The following SYCP2L variants were observed in gnomAD, a reference collection of about 807,000 sequenced individuals.
SYCP2L encodes synaptonemal complex protein 2 like.
Under a neutral mutation model 125.8 loss-of-function variants are expected in SYCP2L, and 98 were observed. The observed-to-expected ratio is 0.78, with a 90% confidence interval of 0.66 to 0.92. The LOEUF (loss-of-function observed/expected upper bound fraction) is 0.92, where lower values mean the gene tolerates loss of function less well. Ranked by LOEUF, SYCP2L falls within the 40% of genes least tolerant of loss-of-function variation. The probability of loss-of-function intolerance (pLI) is 0.00; values close to 1 mark genes in which losing one functional copy is unlikely to be tolerated. For missense variants in SYCP2L, 842 were observed against 936.4 expected (o/e 0.90, Z 1.32); for synonymous variants, 317 against 325.4 (o/e 0.97, Z 0.28).
chr6:10,927,683 G>T (rs542371677), intron 17 of SYCP2L, among the ~76,000 whole-genome samples: 1 of 151,930 alleles, frequency 6.6e-6, no homozygotes. Context: ...ATGAAGTTTC[G>T]GGCACCATTG....
intron 27 of SYCP2L, 37 bp downstream of exon 27, chr6:10,961,441 G>A (rs779763489): frequency 2.5e-6 from 4 of 1,613,426 alleles, no homozygotes; most frequent in Non-Finnish European, 3.4e-6. Flanking sequence ...TCTGACTTCG[G>A]ATCTTTCCCA....
intron 2 of SYCP2L, among the ~76,000 whole-genome samples, chr6:10,893,614 C>T (rs978039315): frequency 6.6e-6 from 1 of 152,122 alleles, no homozygotes; most frequent in Non-Finnish European, 1.5e-5. Context: ...AGTGTGAGTG[C>T]TAAGAAGTCC....
chr6:10,946,595 G>A lies in SYCP2L; in HGVS notation c.1954+3849G>A, dbSNP rs544955014. 8.7e-4 allele frequency among the ~76,000 whole-genome samples: 132 copies of A among 152,136 alleles called. 1 individual carries two copies. Among genetic ancestry groups the A allele is most frequent in the African/African-American group, 3.0e-3 (123 of 41,534 alleles). Reference sequence around the variant, plus strand: ...TTATTCTTGAATTAAATTTTACTGGGTGAAGAATACCATATTGGCAGAATT... The same window carrying A: ...TTATTCTTGAATTAAATTTTACTGGATGAAGAATACCATATTGGCAGAATT... On this transcript the variant is annotated intron_variant, in intron 23 of 29. Coordinates refer to ENST00000283141, the MANE Select transcript of SYCP2L (RefSeq NM_001040274.3).
chr6:10,940,730 A>G (rs1245427639), intron 21 of SYCP2L, among the ~76,000 whole-genome samples: 1 of 152,196 alleles, frequency 6.6e-6, no homozygotes, highest in Non-Finnish European at 1.5e-5. Flanking sequence ...CAGGCATAAC[A>G]TGAACAAGTT....
intron 20 of SYCP2L, among the ~76,000 whole-genome samples, chr6:10,934,573 A>G (rs1221276540): frequency 6.6e-6 from 1 of 152,212 alleles, no homozygotes; most frequent in Non-Finnish European, 1.5e-5. Flanking sequence ...CCAGCTACTC[A>G]TGAGGCTGAG....
intron 29 of SYCP2L, among the ~76,000 whole-genome samples, chr6:10,972,880 A>T (rs1017643647): frequency 2.0e-5 from 3 of 152,126 alleles, no homozygotes; most frequent in Admixed American, 6.6e-5. Flanking sequence ...GCCCAAGCTG[A>T]TAGATTTTGT....
chr6:10,910,701 A>G (rs1373776106), intron 11 of SYCP2L, 123 bp from the exon 12 acceptor site: 4 of 1,026,184 alleles, frequency 3.9e-6, no homozygotes, highest in African/African-American at 3.1e-5. Flanking sequence ...GAAACCCCCT[A>G]TTGTACTCTG....
chr6:10,902,542 A>G (rs2113301209), intron 6 of SYCP2L, 135 bp from the exon 7 acceptor site: 1 of 680,324 alleles, frequency 1.5e-6, no homozygotes, highest in Non-Finnish European at 2.5e-6. Flanking sequence ...GGATTGTAAG[A>G]GGCACAGCCT....
rs1581823326 is a variant in SYCP2L, at chr6:10,912,815, T to A, written c.1011+50T>A. On this transcript the variant is annotated intron_variant, in intron 13 of 29. Coordinates refer to ENST00000283141, the MANE Select transcript of SYCP2L (RefSeq NM_001040274.3). The surrounding 1 kb of genome is among the most constrained non-coding windows in gnomAD (Gnocchi z 4.1). ...GAACTAAGCCTTTAGAGATCTTTTT[T>A]ATGTAAGTATGTGTTTTGCACTCAT... The A allele has an allele frequency of 1.9e-6, 3 of 1,608,748 alleles. No homozygotes were observed. Among genetic ancestry groups the A allele is most frequent in the Non-Finnish European group, 2.6e-6 (3 of 1,175,616 alleles).
rs113058324 is a variant in SYCP2L at position 10,897,287 on chromosome 6, A to G, written c.337-724A>G. ...AGATACCTAGGCCTGAGGCATATTT[A>G]CTATAATCAAGAATACTTCTGAGAA... On this transcript the variant is annotated intron_variant, in intron 4 of 29. Transcript: ENST00000283141. 1.9e-3 allele frequency among the ~76,000 whole-genome samples: 293 copies of G among 152,344 alleles called. 1 individual carries two copies. Among genetic ancestry groups the G allele is most frequent in the African/African-American group, 6.7e-3 (280 of 41,584 alleles).
Position 10,912,963 on chromosome 6 carries a change from C to T in SYCP2L, c.1072+36C>T, listed in dbSNP as rs1417894714. 6.3e-7 allele frequency: 1 copy of T among 1,584,662 alleles called. No individual in the cohort carries two copies. The highest frequency in any genetic ancestry group is 1.7e-5 in the Admixed American group (1 of 59,270). ...ACATTTAAACAACCCACGTCCAGTTCCAAATATTATTTCTGTTGTATATGC... is the reference window on the plus strand; with the variant it reads ...ACATTTAAACAACCCACGTCCAGTTTCAAATATTATTTCTGTTGTATATGC... On this transcript the variant is annotated intron_variant, in intron 14 of 29. Coordinates refer to ENST00000283141, the MANE Select transcript of SYCP2L (RefSeq NM_001040274.3). The surrounding 1 kb of genome is among the most constrained non-coding windows in gnomAD (Gnocchi z 4.1).
At chr6:10,968,082 T>TG (rs1165652877) in intron 29 of SYCP2L, among the ~76,000 whole-genome samples, 1 of 152,068 alleles carries the variant, frequency 6.6e-6, no homozygotes, top group Non-Finnish European at 1.5e-5. Context: ...TATAAAGTAA[T>TG]GGGTTCAATG....
At position 10,963,858 on chromosome 6, in the gene SYCP2L, T is replaced by G; in HGVS notation, c.*37+15T>G. On this transcript the variant is annotated intron_variant, in intron 29 of 29. Coordinates refer to ENST00000283141, the MANE Select transcript of SYCP2L (RefSeq NM_001040274.3). ...GCAGCCCTCAGGTAGGTGCAAAGATTTGCATTGTTCAGTGGATGTGAATCG... is the reference window on the plus strand; with the variant it reads ...GCAGCCCTCAGGTAGGTGCAAAGATGTGCATTGTTCAGTGGATGTGAATCG... The G allele has an allele frequency of 6.2e-7, 1 of 1,605,592 alleles. No individual in the cohort carries two copies. The highest frequency in any genetic ancestry group is 8.5e-7 in the Non-Finnish European group (1 of 1,172,528).
At chr6:10,969,183 A>G (rs1781727582) in intron 29 of SYCP2L, among the ~76,000 whole-genome samples, 1 of 152,190 alleles carries the variant, frequency 6.6e-6, no homozygotes, top group South Asian at 2.1e-4. Context: ...ATATTTTTAT[A>G]AGGATGTAAT....
chr6:10,898,894 T>G (rs766602151), intron 6 of SYCP2L, 46 bp downstream of exon 6: 8 of 1,145,792 alleles, frequency 7.0e-6, no homozygotes, highest in Non-Finnish European at 1.0e-5. Context: ...TTTTCATTAA[T>G]AGAATATTCT....
At chr6:10,903,313 C>CTGAGG in intron 8 of SYCP2L, among the ~76,000 whole-genome samples, 1 of 152,106 alleles carries the variant, frequency 6.6e-6, no homozygotes, top group Non-Finnish European at 1.5e-5. Flanking sequence ...CTTTGGGAGG[C>CTGAGG]CAAGGCGGGT....
chr6:10,971,423 A>C (rs1323771147), intron 29 of SYCP2L, among the ~76,000 whole-genome samples: 1 of 148,550 alleles, frequency 6.7e-6, no homozygotes, highest in African/African-American at 2.5e-5. Context: ...GTGCCACTGC[A>C]TTCCAGCCTG....
chr6:10,893,079 C>T (rs1320970702), intron 2 of SYCP2L, among the ~76,000 whole-genome samples: 3 of 151,504 alleles, frequency 2.0e-5, no homozygotes, highest in East Asian at 3.9e-4. Context: ...GCGATCTCGA[C>T]TCACCGCAAC....
chr6:10,948,771 T>C (rs74567270), intron 23 of SYCP2L, among the ~76,000 whole-genome samples: 4,098 of 152,216 alleles, frequency 0.027, 150 homozygotes, highest in East Asian at 0.2. Context: ...AGTTTATATA[T>C]GATAAAAACT....
Sources: allele counts gnomAD v4.1 joint callset (sites outside exome capture counted in the v4.1 genomes callset), GRCh38; gene constraint gnomAD v4.1.1; non-coding constraint Gnocchi (gnomAD v3.1); transcripts MANE v1.5; gene names NCBI Gene and HGNC (gene_info 2026-07-23, HGNC 2026-07-21).